Variants in THEMIS2 observed in about 807,000 individuals in gnomAD.
The protein encoded by THEMIS2 is thymocyte selection associated family member 2, also known as protein THEMIS2.
THEMIS2 carries 29 observed loss-of-function variants against 46.8 expected under a neutral mutation model. The ratio of observed to expected loss-of-function variants is 0.62; its 90% confidence interval spans 0.46 to 0.84. The LOEUF is 0.84. THEMIS2 is among the 40% of genes least tolerant of loss of function. The pLI, the probability that THEMIS2 is intolerant of heterozygous loss-of-function variation, is 0.00. For missense variants in THEMIS2, 698 were observed against 834.7 expected (o/e 0.84, Z 2.02); for synonymous variants, 335 against 349.1 (o/e 0.96, Z 0.45).
At chr1:27,877,087 G>T (rs1210895973) in intron 2 of THEMIS2, among the ~76,000 whole-genome samples, 1 of 152,224 alleles carries the variant, frequency 6.6e-6, no homozygotes, top group East Asian at 1.9e-4. Flanking sequence ...GGGTCAGGAT[G>T]AATCAGGTGC....
Position 27,877,174 on chromosome 1 carries a change from G to C in THEMIS2, c.235+446G>C, listed in dbSNP as rs367816700. On this transcript the variant is annotated intron_variant, in intron 2 of 5. Coordinates refer to ENST00000373921, the MANE Select transcript of THEMIS2 (RefSeq NM_001105556.3). ...TAAAAGGAGTCATAAGCTTTAGAGA[G>C]GGGTCTGAGCAACAGTAACCTGCCT... Among the ~76,000 whole-genome samples, 14 of 152,296 alleles carry C rather than the reference G, an allele frequency of 9.2e-5. No individual in the cohort carries two copies. In the East Asian group the frequency reaches 2.5e-3, roughly 27 times the overall value.
chr1:27,885,732 C>A, intron 5 of THEMIS2, 135 bp from the exon 6 acceptor site: 3 of 865,754 alleles, frequency 3.5e-6, no homozygotes, highest in Admixed American at 2.4e-5. Context: ...CAGAACAAAT[C>A]GTGGTTTCTA....
Position 27,885,156 on chromosome 1 carries a change from G to A in THEMIS2, c.1720-139G>A, listed in dbSNP as rs1279878785. 49 of 825,462 alleles carry A rather than the reference G, an allele frequency of 5.9e-5. No individual in the cohort carries two copies. The South Asian group carries it at 7.6e-4, about 13-fold the overall frequency. The allele number at this position is 825,462 out of a possible 1,614,324, so 51.1% of individuals were successfully genotyped here. On this transcript the variant is annotated intron_variant, in intron 4 of 5. Transcript: ENST00000373921. ...CACATGCATGTAGCAAAAACACCAGGGGTCTTGAGAGGTCATAGCCTGAAA... is the reference window on the plus strand; with the variant it reads ...CACATGCATGTAGCAAAAACACCAGAGGTCTTGAGAGGTCATAGCCTGAAA...
chr1:27,877,019 C>G (rs1402963621), intron 2 of THEMIS2, among the ~76,000 whole-genome samples: 2 of 152,214 alleles, frequency 1.3e-5, no homozygotes, highest in Non-Finnish European at 2.9e-5. Context: ...CATTCACTCC[C>G]CAAACATCTG....
intron 2 of THEMIS2, 33 bp downstream of exon 2, chr1:27,876,761 C>T (rs1181525051): frequency 6.2e-7 from 1 of 1,609,404 alleles, no homozygotes; most frequent in Admixed American, 1.7e-5. Context: ...CCCATGTGCC[C>T]TGGCACTCTC....
rs1350775924 is a variant in THEMIS2 at position 27,886,074 on chromosome 1, G to T, written c.*152G>T. ...TGTGGAAACTGATTTGATGGACACT[G>T]CACCAGCTTCCTTCAGGTTCTAGAT... On this transcript the variant is annotated 3_prime_UTR_variant, in exon 6 of 6. Coordinates refer to ENST00000373921, the MANE Select transcript of THEMIS2 (RefSeq NM_001105556.3). 1 of 681,142 alleles carries T rather than the reference G, an allele frequency of 1.5e-6. No individual in the cohort carries two copies. The highest frequency in any genetic ancestry group is 2.5e-6 in the Non-Finnish European group (1 of 395,728). The allele number at this position is 681,142 out of a possible 1,614,324, so 42.2% of individuals were successfully genotyped here.
At chr1:27,880,225 T>C (rs957114444) in intron 3 of THEMIS2, among the ~76,000 whole-genome samples, 171 bp downstream of exon 3, 2 of 152,194 alleles carry the variant, frequency 1.3e-5, no homozygotes, top group Non-Finnish European at 2.9e-5. Context: ...AGATGGAGTT[T>C]CGCTCTTGTT....
intron 2 of THEMIS2, among the ~76,000 whole-genome samples, chr1:27,879,008 C>T (rs1379228552): frequency 3.3e-5 from 5 of 152,016 alleles, no homozygotes; most frequent in South Asian, 2.1e-4. Context: ...AGTGTTTCCT[C>T]GATTAGCTTC....
chr1:27,880,115 G>A (rs1248336229), intron 3 of THEMIS2, 61 bp downstream of exon 3: 10 of 1,501,650 alleles, frequency 6.7e-6, no homozygotes, highest in Middle Eastern at 1.8e-4. Flanking sequence ...TTGCCCCTGG[G>A]AGCTGCTCTG....
chr1:27,878,032 C>T (rs571286275), intron 2 of THEMIS2, among the ~76,000 whole-genome samples: 1 of 151,346 alleles, frequency 6.6e-6, no homozygotes, highest in Admixed American at 6.6e-5. Context: ...CACCTGTAAT[C>T]CCAGCTATTC....
chr1:27,873,984 T>C (rs1342749943), intron 1 of THEMIS2, among the ~76,000 whole-genome samples: 2 of 149,436 alleles, frequency 1.3e-5, no homozygotes, highest in Non-Finnish European at 3.0e-5. Context: ...GGCTGCGTGG[T>C]TGGTTAGGAG....
Position 27,883,061 on chromosome 1 carries a change from G to A in THEMIS2, c.1719+18G>A. 1 of 1,587,266 alleles carries A rather than the reference G, an allele frequency of 6.3e-7. No homozygotes were observed. The highest frequency in any genetic ancestry group is 8.6e-7 in the Non-Finnish European group (1 of 1,163,032). On this transcript the variant is annotated intron_variant, in intron 4 of 5. Coordinates refer to ENST00000373921, the MANE Select transcript of THEMIS2 (RefSeq NM_001105556.3). ...GCGTCAAGGTACTAGTATAATCCCA[G>A]AGGGCACGGAGGGGTCACCTATTGG...
At chr1:27,874,698 C>T (rs2089547337) in intron 1 of THEMIS2, among the ~76,000 whole-genome samples, 1 of 152,094 alleles carries the variant, frequency 6.6e-6, no homozygotes, top group Non-Finnish European at 1.5e-5. Flanking sequence ...GGGAGGATTG[C>T]TTGAGCCTGG....
chr1:27,879,639 C>A lies in THEMIS2; in HGVS notation c.236-5C>A. On this transcript the variant is annotated splice_polypyrimidine_tract_variant and splice_region_variant and intron_variant, in intron 2 of 5. Coordinates refer to ENST00000373921, the MANE Select transcript of THEMIS2 (RefSeq NM_001105556.3). The stretch of plus-strand genomic sequence containing the variant: ...GACCTGCCTGCTCTCTGCTGTCCCC[C>A]ACAGGCTACTTCACCCCCCTCAACA... 1 of 1,583,714 alleles carries A rather than the reference C, an allele frequency of 6.3e-7. No individual in the cohort carries two copies. Among genetic ancestry groups the A allele is most frequent in the Non-Finnish European group, 8.6e-7 (1 of 1,160,228 alleles).
Position 27,885,442 on chromosome 1 carries a change from C to G in THEMIS2, c.1867C>G (p.Gln623Glu). Residue 623 changes from glutamine (Q) to glutamate (E), a missense_variant, in exon 5 of 6, where the codon CAG (glutamine) becomes GAG (glutamate). Coordinates refer to ENST00000373921, the MANE Select transcript of THEMIS2 (RefSeq NM_001105556.3). Reference sequence around the variant, plus strand: ...CCACAGGCCCGCTAAGCCCCAAAGGCAGGATCTAGGTGAGTCCCTGTGGGC... The same window carrying G: ...CCACAGGCCCGCTAAGCCCCAAAGGGAGGATCTAGGTGAGTCCCTGTGGGC... The part of the protein sequence containing the change: ...KGHRPAKPQR[Q>E]DLDDDEHDYE... 1 of 1,613,848 alleles carries G rather than the reference C, an allele frequency of 6.2e-7. No homozygotes were observed. Among genetic ancestry groups the G allele is most frequent in the Non-Finnish European group, 8.5e-7 (1 of 1,179,966 alleles).
At chr1:27,885,050 C>G (rs2089744968) in intron 4 of THEMIS2, 3 of 396,420 alleles carry the variant, frequency 7.6e-6, no homozygotes, top group Non-Finnish European at 1.4e-5. Context: ...AGTGGAAAAT[C>G]CCAGGAACAC....
chr1:27,885,741 T>C lies in THEMIS2; in HGVS notation c.1877-126T>C, dbSNP rs559564073. On this transcript the variant is annotated intron_variant, in intron 5 of 5. Transcript: ENST00000373921. The stretch of plus-strand genomic sequence containing the variant: ...TTGAGACAGAACAAATCGTGGTTTC[T>C]AGGCTAGCAAAGACCGTAGGGCATC... 5.9e-5 allele frequency: 56 copies of C among 943,534 alleles called. No individual in the cohort carries two copies. The African/African-American group carries it at 6.1e-4, about 10-fold the overall frequency. The allele number at this position is 943,534 out of a possible 1,614,324, so 58.4% of individuals were successfully genotyped here. A position where few individuals can be genotyped will look rare whatever the true frequency, so the allele number is the denominator to read the frequency against.
At chr1:27,875,857 T>A (rs1054147822) in intron 1 of THEMIS2, among the ~76,000 whole-genome samples, 1 of 152,008 alleles carries the variant, frequency 6.6e-6, no homozygotes, top group Admixed American at 6.6e-5. Flanking sequence ...CCCGCCACCA[T>A]GCCTGGCTAA....
intron 2 of THEMIS2, among the ~76,000 whole-genome samples, 169 bp downstream of exon 2, chr1:27,876,897 G>A (rs541428209): frequency 6.6e-6 from 1 of 152,282 alleles, no homozygotes; most frequent in South Asian, 2.1e-4. Context: ...GTCCTCAGAG[G>A]GTCGGCAATG....
Sources: gnomAD v4.1 joint callset for allele counts (sites outside exome capture counted in the v4.1 genomes callset) on GRCh38, gnomAD v4.1.1 for gene constraint, MANE v1.5 for transcripts, NCBI Gene and HGNC (gene_info 2026-07-23, HGNC 2026-07-21) for gene names.